Variants in METTL15 observed in about 807,000 individuals in gnomAD.
The protein encoded by METTL15 is 12S rRNA N(4)-cytidine methyltransferase METTL15.
A neutral mutation model predicts 38.3 loss-of-function variants in METTL15; 34 were observed. That is an observed-to-expected ratio of 0.89 (90% CI 0.68 to 1.18). The LOEUF (loss-of-function observed/expected upper bound fraction) is 1.18, where lower values mean the gene tolerates loss of function less well. METTL15 is among the 50% of genes most tolerant of loss of function. METTL15 has a pLI of 0.00. For missense variants in METTL15, 438 were observed against 498.4 expected (o/e 0.88, Z 1.15); for synonymous variants, 162 against 170.9 (o/e 0.95, Z 0.41).
chr11:28,514,671 T>A (rs1265450692), intron 6 of METTL15, among the ~76,000 whole-genome samples: 2 of 152,332 alleles, frequency 1.3e-5, no homozygotes, highest in African/African-American at 4.8e-5. Context: ...ACTTGTTCCC[T>A]GTTGAAGTGT....
intron 3 of METTL15, among the ~76,000 whole-genome samples, chr11:28,188,966 A>T (rs1465381830): frequency 6.6e-6 from 1 of 151,318 alleles, no homozygotes; most frequent in Non-Finnish European, 1.5e-5. Context: ...GTAACTTTTA[A>T]TGTTTACATT....
At chr11:28,452,244 A>G (rs992808353) in intron 6 of METTL15, among the ~76,000 whole-genome samples, 4 of 152,216 alleles carry the variant, frequency 2.6e-5, no homozygotes, top group African/African-American at 7.2e-5. Flanking sequence ...CTTCAGCCTG[A>G]AAGAAACATT....
At chr11:28,165,928 G>A (rs930694021) in intron 3 of METTL15, among the ~76,000 whole-genome samples, 1 of 152,026 alleles carries the variant, frequency 6.6e-6, no homozygotes, top group Non-Finnish European at 1.5e-5. Flanking sequence ...CCCATTTTGT[G>A]GCCTTGGCAC....
chr11:28,182,555 C>G (rs1486611104), intron 3 of METTL15, among the ~76,000 whole-genome samples: 1 of 152,002 alleles, frequency 6.6e-6, no homozygotes, highest in Non-Finnish European at 1.5e-5. Flanking sequence ...TGTCAAAGAT[C>G]AGATGGTTGT....
At chr11:28,243,803 T>C (rs1046518575) in intron 4 of METTL15, among the ~76,000 whole-genome samples, 1 of 152,160 alleles carries the variant, frequency 6.6e-6, no homozygotes, top group Non-Finnish European at 1.5e-5. Context: ...GAATGTCATA[T>C]TGAAAGAAAA....
intron 6 of METTL15, among the ~76,000 whole-genome samples, chr11:28,468,725 G>T (rs12284845): frequency 6.6e-6 from 1 of 152,142 alleles, no homozygotes; most frequent in Non-Finnish European, 1.5e-5. Context: ...AGGGAGCTTC[G>T]TGACAGGGGC....
intron 3 of METTL15, among the ~76,000 whole-genome samples, chr11:28,348,914 A>G (rs924072886): frequency 6.6e-6 from 1 of 152,114 alleles, no homozygotes; most frequent in Admixed American, 6.5e-5. Flanking sequence ...AAGGTGTTCC[A>G]GGCTCATCAC....
intron 6 of METTL15, among the ~76,000 whole-genome samples, chr11:28,430,640 G>A (rs1173717848): frequency 5.3e-5 from 4 of 75,562 alleles, no homozygotes; most frequent in Admixed American, 1.1e-4. Context: ...CCGTCTGGGA[G>A]GTGAGGGGCG....
intron 6 of METTL15, among the ~76,000 whole-genome samples, chr11:28,307,695 T>C (rs1437069086): frequency 1.3e-5 from 2 of 151,986 alleles, no homozygotes; most frequent in Non-Finnish European, 2.9e-5. Flanking sequence ...GAAACACCTA[T>C]TTCATACACA....
chr11:28,473,225 C>T (rs752815564), intron 6 of METTL15, among the ~76,000 whole-genome samples: 1 of 152,064 alleles, frequency 6.6e-6, no homozygotes, highest in Non-Finnish European at 1.5e-5. Context: ...TTTTAATAGG[C>T]TTTTCTGGAG....
chr11:28,503,053 T>C (rs1851597761), intron 6 of METTL15, among the ~76,000 whole-genome samples: 1 of 152,238 alleles, frequency 6.6e-6, no homozygotes, highest in Non-Finnish European at 1.5e-5. Flanking sequence ...AAGAGTCAGC[T>C]GGGGGCTCTC....
chr11:28,153,061 G>T (rs1012943754), intron 3 of METTL15, among the ~76,000 whole-genome samples: 1 of 152,006 alleles, frequency 6.6e-6, no homozygotes, highest in Non-Finnish European at 1.5e-5. Flanking sequence ...CAGTGAGGGG[G>T]ACCAGATGTC....
At chr11:28,451,593 A>T (rs1012735623) in intron 6 of METTL15, among the ~76,000 whole-genome samples, 16 of 152,184 alleles carry the variant, frequency 1.1e-4, no homozygotes, top group African/African-American at 3.9e-4. Flanking sequence ...TCAAAAAAAA[A>T]AGAAAAAGAA....
At chr11:28,432,525 G>A (rs1850941310) in intron 6 of METTL15, among the ~76,000 whole-genome samples, 1 of 152,198 alleles carries the variant, frequency 6.6e-6, no homozygotes, top group Non-Finnish European at 1.5e-5. Flanking sequence ...TTCAGTCAGT[G>A]GTCTGGCAGT....
chr11:28,397,158 T>C (rs1450593515), intron 5 of METTL15, among the ~76,000 whole-genome samples: 1 of 152,006 alleles, frequency 6.6e-6, no homozygotes, highest in South Asian at 2.1e-4. Flanking sequence ...ACCTAGGCAA[T>C]ACCATTCAGG....
At chr11:28,525,616 T>C (rs887823519) in intron 6 of METTL15, among the ~76,000 whole-genome samples, 4 of 152,200 alleles carry the variant, frequency 2.6e-5, no homozygotes, top group Admixed American at 6.5e-5. Context: ...AGAGTGCTGA[T>C]TGGTGCATTT....
intron 6 of METTL15, among the ~76,000 whole-genome samples, chr11:28,510,752 C>T (rs1263634215): frequency 6.6e-6 from 1 of 152,154 alleles, no homozygotes; most frequent in Non-Finnish European, 1.5e-5. Flanking sequence ...TTATACTTAG[C>T]CTTAATCTAT....
intron 5 of METTL15, among the ~76,000 whole-genome samples, chr11:28,413,571 G>C (rs1257984003): frequency 6.6e-6 from 1 of 152,106 alleles, no homozygotes; most frequent in Non-Finnish European, 1.5e-5. Context: ...ATGAATTGCT[G>C]AGCATTTGTA....
At chr11:28,291,050 C>CTTTTT (rs1313497959) in intron 5 of METTL15, among the ~76,000 whole-genome samples, 2 of 133,646 alleles carry the variant, frequency 1.5e-5, no homozygotes, top group Non-Finnish European at 3.2e-5. Flanking sequence ...TAATTCTTTT[C>CTTTTT]TTTTTTTTTT....
Sources: allele counts gnomAD v4.1 joint callset (sites outside exome capture counted in the v4.1 genomes callset), GRCh38; gene constraint gnomAD v4.1.1; transcripts MANE v1.5; gene names NCBI Gene and HGNC (gene_info 2026-07-23, HGNC 2026-07-21).